The following PCNX4 variants were observed in gnomAD, a reference collection of about 807,000 sequenced individuals.
PCNX4 encodes pecanex-like protein 4.
PCNX4 carries 103 observed loss-of-function variants against 107.2 expected under a neutral mutation model. That is an observed-to-expected ratio of 0.96 (90% CI 0.82 to 1.13). The LOEUF is 1.13. PCNX4 is among the 50% of genes most tolerant of loss of function. PCNX4 has a pLI of 0.00. For missense variants in PCNX4, 1,528 were observed against 1,379.4 expected, an observed-to-expected ratio of 1.11 and a Z score of -1.71; for synonymous variants, 541 against 481.7, an observed-to-expected ratio of 1.12 and a Z score of -1.61.
rs1896417956 is a variant in PCNX4, at chr14:60,146,812, G to C, written c.*12591G>C. Reference sequence around the variant, plus strand: ...CGTTAATGCTAAGTGATATAAGCAAGATACAGAAAAACAAGTACTATGTGA... The same window carrying C: ...CGTTAATGCTAAGTGATATAAGCAACATACAGAAAAACAAGTACTATGTGA... On this transcript the variant is annotated 3_prime_UTR_variant, in exon 11 of 11. Transcript: ENST00000406854. The surrounding 1 kb of genome is among the most constrained non-coding windows in gnomAD (Gnocchi z 4.9). The C allele has an allele frequency of 6.6e-6, 1 of 152,138 alleles. No individual in the cohort carries two copies. Among genetic ancestry groups the C allele is most frequent in the Non-Finnish European group, 1.5e-5 (1 of 68,024 alleles). The allele number at this position is 152,138 out of a possible 1,614,324, so 9.4% of individuals were successfully genotyped here.
In PCNX4 at chr14:60,124,382, T is replaced by C; in HGVS notation, c.2211T>C (p.Ser737=). The C allele has an allele frequency of 6.2e-7, 1 of 1,613,554 alleles. No individual in the cohort carries two copies. Among genetic ancestry groups the C allele is most frequent in the South Asian group, 1.1e-5 (1 of 91,072 alleles). ...CTGTTTTGCCTGTGAAATTGTATTCTGATGCCAGGAATGTTCTATCAGGCA... is the reference window on the plus strand; with the variant it reads ...CTGTTTTGCCTGTGAAATTGTATTCCGATGCCAGGAATGTTCTATCAGGCA... The part of the protein sequence containing the change: ...PCTVLPVKLY[S]DARNVLSGII... Residue 737 remains serine, a synonymous_variant, in exon 9 of 11, where the codon TCT becomes TCC. Transcript: ENST00000406854.
At chr14:60,101,313 A>G (rs982091585) in intron 1 of PCNX4, among the ~76,000 whole-genome samples, 1 of 152,206 alleles carries the variant, frequency 6.6e-6, no homozygotes, top group Non-Finnish European at 1.5e-5. Flanking sequence ...GGGCTGTGTC[A>G]TGGGCTGTGG....
At chr14:60,126,075 A>G (rs1896050504) in intron 10 of PCNX4, 1 of 270,530 alleles carries the variant, frequency 3.7e-6, no homozygotes, top group Admixed American at 5.2e-5. Context: ...TGCCTGACCT[A>G]TAAGAGAGCT....
intron 10 of PCNX4, chr14:60,126,109 A>G (rs1466151522): frequency 2.1e-5 from 4 of 189,538 alleles, no homozygotes; most frequent in Non-Finnish European, 4.3e-5. Flanking sequence ...ATGCTATAAC[A>G]TATTTGATTA....
At chr14:60,097,978 A>C (rs1895458076) in intron 1 of PCNX4, among the ~76,000 whole-genome samples, 1 of 152,232 alleles carries the variant, frequency 6.6e-6, no homozygotes, top group Admixed American at 6.5e-5. Flanking sequence ...CTGGATTGAC[A>C]GAGCAGGAGC....
Position 60,144,331 on chromosome 14 carries a change from G to A in PCNX4, c.*10110G>A, listed in dbSNP as rs1896345536. On this transcript the variant is annotated 3_prime_UTR_variant, in exon 11 of 11. Coordinates refer to ENST00000406854, the MANE Select transcript of PCNX4 (RefSeq NM_001330177.2). ...CTATACATTTATGTTGCTATGGTTT[G>A]GATGTTTTTGTCCCCTCCAAAATTC... 6.6e-6 allele frequency: 1 copy of A among 152,374 alleles called. No homozygotes were observed. The highest frequency in any genetic ancestry group is 1.5e-5 in the Non-Finnish European group (1 of 68,220). 9.4% of individuals were successfully genotyped at this position (152,374 alleles called of 1,614,324 possible).
chr14:60,110,099 CAA>C (rs1179247352), intron 2 of PCNX4: 1 of 166,992 alleles, frequency 6.0e-6, no homozygotes, highest in Non-Finnish European at 1.5e-5. Flanking sequence ...AAGAGAACAC[CAA>C]AAGTGTGGGG....
chr14:60,126,578 C>T (rs1436748167), intron 10 of PCNX4, among the ~76,000 whole-genome samples: 2 of 152,180 alleles, frequency 1.3e-5, no homozygotes, highest in Non-Finnish European at 2.9e-5. Context: ...CCTACCCTAC[C>T]TGAACCTCAG....
Position 60,136,017 on chromosome 14 carries a change from T to C in PCNX4, c.*1796T>C, listed in dbSNP as rs1440058027. 6.6e-6 allele frequency: 1 copy of C among 152,146 alleles called. No individual in the cohort carries two copies. Among genetic ancestry groups the C allele is most frequent in the African/African-American group, 2.4e-5 (1 of 41,422 alleles). 9.4% of individuals were successfully genotyped at this position (152,146 alleles called of 1,614,324 possible). On this transcript the variant is annotated 3_prime_UTR_variant, in exon 11 of 11. Coordinates refer to ENST00000406854, the MANE Select transcript of PCNX4 (RefSeq NM_001330177.2). ...TTGCATCCTCCTCAAAGTGCTCCCA[T>C]ATCTCCATTTCATTCATAGCCAGGT...
chr14:60,105,523 T>TAG (rs1333029900), intron 1 of PCNX4, among the ~76,000 whole-genome samples: 11 of 152,302 alleles, frequency 7.2e-5, no homozygotes, highest in Non-Finnish European at 1.6e-4. Context: ...TCTATATATA[T>TAG]AGGTGTGTGT....
At chr14:60,121,161 CTTTTTTTT>C (rs747483127) in intron 7 of PCNX4, 27 bp from the exon 8 acceptor site, 60 of 1,103,142 alleles carry the variant, frequency 5.4e-5, no homozygotes, top group African/African-American at 5.1e-4. Flanking sequence ...AAATGATTTT[CTTTTTTTT>C]TTTTTTTTTT....
At chr14:60,129,234 C>A (rs1451283746) in intron 10 of PCNX4, among the ~76,000 whole-genome samples, 1 of 127,708 alleles carries the variant, frequency 7.8e-6, no homozygotes, top group Non-Finnish European at 1.6e-5. Flanking sequence ...GAGCGAGACT[C>A]CATCTCAAAA....
intron 5 of PCNX4, 53 bp downstream of exon 5, chr14:60,115,872 AT>A (rs1302366431): frequency 1.3e-6 from 2 of 1,588,368 alleles, no homozygotes; most frequent in East Asian, 4.5e-5. Context: ...TTTTATTGTA[AT>A]TTTGTTTAAT....
chr14:60,097,811 C>T (rs909420647), intron 1 of PCNX4, among the ~76,000 whole-genome samples: 3 of 152,182 alleles, frequency 2.0e-5, no homozygotes, highest in Non-Finnish European at 2.9e-5. Context: ...AGATTTTTAG[C>T]TGACAGACTC....
chr14:60,117,620 AT>A (rs753682019), intron 6 of PCNX4, among the ~76,000 whole-genome samples: 3 of 152,180 alleles, frequency 2.0e-5, no homozygotes, highest in Non-Finnish European at 4.4e-5. Context: ...TGCAGAACAC[AT>A]TTCTTAGAAC....
Position 60,124,717 on chromosome 14 carries a change from C to G in PCNX4, c.2546C>G (p.Thr849Arg). 1 of 1,613,088 alleles carries G rather than the reference C, an allele frequency of 6.2e-7. No individual in the cohort carries two copies. The highest frequency in any genetic ancestry group is 8.5e-7 in the Non-Finnish European group (1 of 1,179,760). ...CATCAGTTGAAAGATTTGCCAGGTA[C>G]AAATTTGTTTATTCCAGGATCAGTA... ...EKHQLKDLPG[T>R]NLFIPGSVES... Residue 849 changes from threonine to arginine, a missense_variant, in exon 9 of 11, where the codon ACA becomes AGA. Transcript: ENST00000406854.
intron 1 of PCNX4, among the ~76,000 whole-genome samples, chr14:60,102,506 A>G (rs1446426555): frequency 6.6e-6 from 1 of 152,156 alleles, no homozygotes; most frequent in African/African-American, 2.4e-5. Flanking sequence ...ACGTTGCCAG[A>G]TTGATCTCTG....
intron 7 of PCNX4, 88 bp downstream of exon 7, chr14:60,118,780 A>C: frequency 7.2e-7 from 1 of 1,391,828 alleles, no homozygotes; most frequent in South Asian, 1.8e-5. Context: ...CTTTTTATCC[A>C]ACCATAAGAT....
Position 60,140,327 on chromosome 14 carries a change from T to G in PCNX4, c.*6106T>G, listed in dbSNP as rs973834430. The G allele has an allele frequency of 6.6e-6, 1 of 152,182 alleles. No individual in the cohort carries two copies. Among genetic ancestry groups the G allele is most frequent in the Admixed American group, 6.5e-5 (1 of 15,272 alleles). The allele number at this position is 152,182 out of a possible 1,614,324, so 9.4% of individuals were successfully genotyped here. On this transcript the variant is annotated 3_prime_UTR_variant, in exon 11 of 11. Coordinates refer to ENST00000406854, the MANE Select transcript of PCNX4 (RefSeq NM_001330177.2). This position sits in a 1 kb window ranked among gnomAD's most constrained non-coding sequence, Gnocchi z 4.2. ...AAAATAGAAAATTCGAGTAGTTCCC[T>G]ATCTGCTAAAGAAGTGGAACCTATA...
Sources: allele counts gnomAD v4.1 joint callset (sites outside exome capture counted in the v4.1 genomes callset), GRCh38; gene constraint gnomAD v4.1.1; non-coding constraint Gnocchi (gnomAD v3.1); transcripts MANE v1.5; gene names NCBI Gene and HGNC (gene_info 2026-07-23, HGNC 2026-07-21).